Variants in NUP133 observed in about 807,000 individuals in gnomAD.
NUP133 encodes nuclear pore complex protein Nup133.
NUP133 carries 66 observed loss-of-function variants against 146.2 expected under a neutral mutation model. That is an observed-to-expected ratio of 0.45 (90% CI 0.37 to 0.55). NUP133 has a LOEUF of 0.55. Ranked by LOEUF, NUP133 falls within the 20% of genes least tolerant of loss-of-function variation. NUP133 has a pLI of 0.00. For synonymous variants in NUP133, 521 were observed against 498.8 expected, an observed-to-expected ratio of 1.04 and a Z score of -0.59; for missense variants, 1,277 against 1,374.8, an observed-to-expected ratio of 0.93 and a Z score of 1.12.
intron 6 of NUP133, among the ~76,000 whole-genome samples, chr1:229,497,555 G>T (rs1178724810): frequency 3.3e-5 from 5 of 152,196 alleles, no homozygotes; most frequent in African/African-American, 4.8e-5. Context: ...TCCCAGCTCT[G>T]CCACTCAGCA....
intron 11 of NUP133, among the ~76,000 whole-genome samples, chr1:229,485,289 G>T (rs956713781): frequency 9.9e-5 from 15 of 152,204 alleles, no homozygotes; most frequent in Non-Finnish European, 2.2e-4. Context: ...ATGGTGCAGA[G>T]GACAGGTCCT....
At chr1:229,507,851 G>C in intron 1 of NUP133, 1 of 908,540 alleles carries the variant, frequency 1.1e-6, no homozygotes, top group Non-Finnish European at 1.3e-6. Flanking sequence ...CTGCACAAAG[G>C]TATCCATGAA....
chr1:229,508,216 C>A lies in NUP133; in HGVS notation c.34G>T (p.Gly12Cys). Residue 12 changes from glycine to cysteine, a missense_variant, in exon 1 of 26, where the codon GGT becomes TGT. Gly to Cys is a radical substitution (Grantham distance 159). This residue lies in a region of NUP133 where 319 missense variants were observed against 306.9 expected (regional missense o/e 1.04). Transcript: ENST00000261396. ...FPAAPSPRTP[G>C]TGSRRGPLAG... Reference sequence around the variant, plus strand: ...AGCGGGCCCCTTCGGGACCCGGTACCCGGGGTCCGCGGAGAAGGGGCGGCT... The same window carrying A: ...AGCGGGCCCCTTCGGGACCCGGTACACGGGGTCCGCGGAGAAGGGGCGGCT... 2 of 1,550,454 alleles carry A rather than the reference C, an allele frequency of 1.3e-6. No homozygotes were observed. The highest frequency in any genetic ancestry group is 4.2e-5 in the Admixed American group (2 of 47,494).
intron 25 of NUP133, among the ~76,000 whole-genome samples, chr1:229,443,087 G>C (rs1288051885): frequency 6.6e-6 from 1 of 152,084 alleles, no homozygotes; most frequent in African/African-American, 2.4e-5. Flanking sequence ...GAGTGGAATG[G>C]TACGATCGTA....
rs139018876 is a variant in NUP133, at chr1:229,508,115, G to T, written c.135C>A (p.Ser45=). The change falls in exon 1 of 26, where the codon TCC becomes TCA. Residue 45 remains serine, a synonymous_variant. Coordinates refer to ENST00000261396, the MANE Select transcript of NUP133 (RefSeq NM_018230.3). Reference sequence around the variant, plus strand: ...GGCCGACCGGCGAGAAGAGCACTGGGGAGCTGACTGCAGACCCCAGGGGCA... The same window carrying T: ...GGCCGACCGGCGAGAAGAGCACTGGTGAGCTGACTGCAGACCCCAGGGGCA... ...KGLPLGSAVS[S]PVLFSPVGRR... The T allele has an allele frequency of 3.2e-6, 5 of 1,569,918 alleles. No homozygotes were observed. The East Asian group carries it at 7.3e-5, about 23-fold the overall frequency.
rs1660188510 is a variant in NUP133 at position 229,441,786 on chromosome 1, TA to T, written c.*117del. On this transcript the variant is annotated 3_prime_UTR_variant, in exon 26 of 26. Coordinates refer to ENST00000261396, the MANE Select transcript of NUP133 (RefSeq NM_018230.3). ...ATATTAGCTTCCTACATATAAAGTA[TA>T]AAAACTCAGCTATACATGTTATGAA... 1.6e-5 allele frequency: 14 copies of T among 861,586 alleles called. 1 individual carries two copies. The highest frequency in any genetic ancestry group is 2.5e-5 in the Non-Finnish European group (14 of 568,652). 53.4% of individuals were successfully genotyped at this position (861,586 alleles called of 1,614,324 possible). A position where few individuals can be genotyped will look rare whatever the true frequency, so the allele number is the denominator to read the frequency against.
chr1:229,457,114 A>C (rs1660587029), intron 21 of NUP133, among the ~76,000 whole-genome samples: 1 of 152,180 alleles, frequency 6.6e-6, no homozygotes, highest in African/African-American at 2.4e-5. Context: ...GGCGTGAGCC[A>C]CCAAACCCAG....
At position 229,500,777 on chromosome 1, in the gene NUP133, T is replaced by C; in HGVS notation, c.492A>G (p.Ser164=). 3 of 1,610,488 alleles carry C rather than the reference T, an allele frequency of 1.9e-6. No homozygotes were observed. The highest frequency in any genetic ancestry group is 2.5e-6 in the Non-Finnish European group (3 of 1,177,162). ...CTACCTGAGTAGAATGTGCTTCACC[T>C]GAGGGAGAAGAGTAAGAAAGAGCCA... The part of the protein sequence containing the change: ...DLVALSYSSP[S]GEAHSTQAVA... The change falls in exon 4 of 26, where the codon TCA becomes TCG. Residue 164 remains serine, a synonymous_variant. Coordinates refer to ENST00000261396, the MANE Select transcript of NUP133 (RefSeq NM_018230.3).
chr1:229,444,751 G>A (rs978160311), intron 25 of NUP133, among the ~76,000 whole-genome samples, 163 bp downstream of exon 25: 1 of 151,994 alleles, frequency 6.6e-6, no homozygotes, highest in Non-Finnish European at 1.5e-5. Flanking sequence ...AGGGGCTGAG[G>A]CAGAAGAATT....
chr1:229,506,270 G>A, intron 1 of NUP133, 112 bp from the exon 2 acceptor site: 3 of 544,628 alleles, frequency 5.5e-6, no homozygotes, highest in Non-Finnish European at 6.7e-6. Flanking sequence ...ATTAACACTG[G>A]CTCATATTTA....
chr1:229,493,849 A>G lies in NUP133; in HGVS notation c.1046+1646T>C, dbSNP rs369618235. Among the ~76,000 whole-genome samples the G allele has an allele frequency of 3.7e-4, 57 of 152,294 alleles. No homozygotes were observed. The South Asian group carries it at 0.011, about 29-fold the overall frequency. ...AGAAAACTATGTGAAAAATGTCTGCATGGCCAGGCGTGGTGGCTGACACCT... is the reference window on the plus strand; with the variant it reads ...AGAAAACTATGTGAAAAATGTCTGCGTGGCCAGGCGTGGTGGCTGACACCT... On this transcript the variant is annotated intron_variant, in intron 8 of 25. Transcript: ENST00000261396.
At chr1:229,492,122 T>G (rs1347538822) in intron 8 of NUP133, among the ~76,000 whole-genome samples, 2 of 152,062 alleles carry the variant, frequency 1.3e-5, no homozygotes, top group African/African-American at 2.4e-5. Context: ...TTTTTTTTTT[T>G]TGAGGCGGAG....
rs1335317593 is a variant in NUP133, at chr1:229,477,771, A to G, written c.1593-11T>C. ...TGACCTAAATCTTTTCTGAAATAAA[A>G]TTGGAAAACACAAGTATTAAGGGAG... On this transcript the variant is annotated splice_polypyrimidine_tract_variant and intron_variant, in intron 12 of 25. Transcript: ENST00000261396. 1 of 1,597,800 alleles carries G rather than the reference A, an allele frequency of 6.3e-7. No homozygotes were observed. Among genetic ancestry groups the G allele is most frequent in the African/African-American group, 1.3e-5 (1 of 74,342 alleles).
At chr1:229,461,457 A>G (rs999046381) in intron 19 of NUP133, among the ~76,000 whole-genome samples, 3 of 152,234 alleles carry the variant, frequency 2.0e-5, no homozygotes, top group Admixed American at 2.0e-4. Flanking sequence ...AATGAATATT[A>G]CAAGAGCTGA....
chr1:229,496,361 C>G lies in NUP133; in HGVS notation c.820-314G>C, dbSNP rs1571937977. On this transcript the variant is annotated intron_variant, in intron 6 of 25. Transcript: ENST00000261396. ...TGGTGGCACACGCCTGTAGTCCCAG[C>G]TACTCAGGAGACTAAGGCAGGAGAA... Among the ~76,000 whole-genome samples the G allele has an allele frequency of 5.3e-5, 8 of 152,268 alleles. 2 individuals are homozygous for G. The highest frequency in any genetic ancestry group is 5.2e-4 in the Admixed American group (8 of 15,296).
At chr1:229,467,069 C>T (rs763940878) in intron 15 of NUP133, among the ~76,000 whole-genome samples, 5 of 152,290 alleles carry the variant, frequency 3.3e-5, no homozygotes, top group South Asian at 4.1e-4. Context: ...TTACAGATGA[C>T]ATCACTTTAC....
intron 19 of NUP133, among the ~76,000 whole-genome samples, chr1:229,462,861 T>C (rs1390694958): frequency 6.6e-6 from 1 of 152,086 alleles, no homozygotes; most frequent in Non-Finnish European, 1.5e-5. Flanking sequence ...GGGAACTTTG[T>C]TTTTTAAACA....
At chr1:229,450,712 G>T in intron 22 of NUP133, 107 bp from the exon 23 acceptor site, 1 of 518,440 alleles carries the variant, frequency 1.9e-6, no homozygotes, top group Non-Finnish European at 3.3e-6. Flanking sequence ...GTTGTAGTTT[G>T]TTTTTTGTTT....
intron 14 of NUP133, among the ~76,000 whole-genome samples, chr1:229,471,720 T>C (rs1397882549): frequency 6.6e-6 from 1 of 152,232 alleles, no homozygotes; most frequent in African/African-American, 2.4e-5. Flanking sequence ...ATTTTAAGTA[T>C]AATTCTCTTT....
Sources: gnomAD v4.1 joint callset for allele counts (sites outside exome capture counted in the v4.1 genomes callset) on GRCh38, gnomAD v4.1.1 for gene constraint, gnomAD v4.1.1 regional missense constraint, MANE v1.5 for transcripts, NCBI Gene and HGNC (gene_info 2026-07-23, HGNC 2026-07-21) for gene names.